GALNT3: variants seen among roughly 807,000 people sequenced by gnomAD.
GALNT3 encodes the protein polypeptide N-acetylgalactosaminyltransferase 3.
Under a neutral mutation model 69.8 loss-of-function variants are expected in GALNT3, and 51 were observed. The observed-to-expected ratio is 0.73, with a 90% CI of 0.58 to 0.92. The LOEUF (loss-of-function observed/expected upper bound fraction) is 0.92, where lower values mean the gene tolerates loss of function less well. GALNT3 is among the 40% of genes least tolerant of loss of function. The pLI, the probability that GALNT3 is intolerant of heterozygous loss-of-function variation, is 0.00. For missense variants in GALNT3, 711 were observed against 760.0 expected (o/e 0.94, Z 0.76); for synonymous variants, 265 against 248.5 (o/e 1.07, Z -0.63).
chr2:165,763,033 T>G (rs1400749158), intron 3 of GALNT3, among the ~76,000 whole-genome samples: 1 of 151,524 alleles, frequency 6.6e-6, no homozygotes, highest in Non-Finnish European at 1.5e-5. Flanking sequence ...ACTCCTGAAC[T>G]CAAGCTATTT....
chr2:165,778,153 A>T (rs116293132), intron 1 of GALNT3, among the ~76,000 whole-genome samples: 1 of 152,218 alleles, frequency 6.6e-6, no homozygotes, highest in Non-Finnish European at 1.5e-5. Flanking sequence ...GGGAGTCACA[A>T]ACTCAGGGGC....
chr2:165,749,050 T>C, intron 10 of GALNT3, 147 bp from the exon 11 acceptor site: 1 of 780,480 alleles, frequency 1.3e-6, no homozygotes, highest in South Asian at 1.7e-5. Flanking sequence ...TTTTGGCTTC[T>C]AGTGTAAATG....
chr2:165,756,649 C>G (rs1688447777), intron 7 of GALNT3, among the ~76,000 whole-genome samples: 1 of 151,924 alleles, frequency 6.6e-6, no homozygotes, highest in African/African-American at 2.4e-5. Flanking sequence ...AAAAAAAAGG[C>G]TTGGCACTCC....
chr2:165,758,810 A>G lies in GALNT3; in HGVS notation c.1128T>C (p.Tyr376=). 1.9e-6 allele frequency: 3 copies of G among 1,611,716 alleles called. No individual in the cohort carries two copies. The highest frequency in any genetic ancestry group is 2.5e-6 in the Non-Finnish European group (3 of 1,178,018). ...LFSISKEYFE[Y]IGSYDEEMEI... ...CCATTTCTTCATCATAGCTTCCAAT[A>G]TACTCAAAATATTCTTTTGATATGG... The change falls in exon 6 of 11, where the codon TAT becomes TAC. Residue 376 remains tyrosine, a synonymous_variant. Coordinates refer to ENST00000392701, the MANE Select transcript of GALNT3 (RefSeq NM_004482.4).
intron 1 of GALNT3, among the ~76,000 whole-genome samples, chr2:165,776,856 A>G (rs1316384367): frequency 1.3e-5 from 2 of 152,224 alleles, no homozygotes; most frequent in African/African-American, 2.4e-5. Context: ...GCTTCCAGTT[A>G]TCTAGACTAC....
intron 1 of GALNT3, among the ~76,000 whole-genome samples, chr2:165,773,183 T>C (rs1232282029): frequency 1.3e-5 from 2 of 152,174 alleles, no homozygotes; most frequent in African/African-American, 4.8e-5. Context: ...TCCCCATGTG[T>C]CAAGGGCAGG....
chr2:165,767,678 T>C lies in GALNT3; in HGVS notation c.515+2508A>G, dbSNP rs569868136. ...GTGCAATTAAAATAACTTGCCAAAG[T>C]GACTGTATCATTCCAGTCAAACCAT... On this transcript the variant is annotated intron_variant, in intron 2 of 10. Coordinates refer to ENST00000392701, the MANE Select transcript of GALNT3 (RefSeq NM_004482.4). 1.9e-3 allele frequency among the ~76,000 whole-genome samples: 292 copies of C among 152,292 alleles called. 3 individuals carry two copies. Among genetic ancestry groups the C allele is most frequent in the African/African-American group, 6.4e-3 (264 of 41,572 alleles).
At position 165,770,183 on chromosome 2, in the gene GALNT3, T is replaced by C. The variant is rs373474499; in HGVS notation, c.515+3A>G. On this transcript the variant is annotated splice_donor_region_variant and intron_variant, in intron 2 of 10. Transcript: ENST00000392701. ...AATAAACAATAAATATTCTTCAACA[T>C]ACTCAGGAGGTCGAGTGTCTGGTCC... The C allele has an allele frequency of 1.2e-5, 19 of 1,613,972 alleles. No homozygotes were observed. The highest frequency in any genetic ancestry group is 2.2e-5 in the East Asian group (1 of 44,892).
intron 10 of GALNT3, 59 bp downstream of exon 10, chr2:165,749,683 G>A: frequency 7.0e-7 from 1 of 1,424,644 alleles, no homozygotes; most frequent in Non-Finnish European, 9.9e-7. Flanking sequence ...CATTTTCCCA[G>A]ATAAGCAAGT....
chr2:165,766,281 A>G (rs915265873), intron 2 of GALNT3, among the ~76,000 whole-genome samples: 1 of 152,240 alleles, frequency 6.6e-6, no homozygotes, highest in African/African-American at 2.4e-5. Context: ...TCATGTCACC[A>G]TCTAAAACAT....
intron 10 of GALNT3, 72 bp from the exon 11 acceptor site, chr2:165,748,975 T>C: frequency 6.8e-7 from 1 of 1,466,728 alleles, no homozygotes; most frequent in Non-Finnish European, 9.4e-7. Context: ...AAAAAGATTT[T>C]ATGGTTTCAT....
intron 6 of GALNT3, among the ~76,000 whole-genome samples, chr2:165,758,212 T>C (rs531324249): frequency 3.9e-5 from 6 of 152,280 alleles, no homozygotes; most frequent in Non-Finnish European, 7.4e-5. Context: ...TTCCACTACA[T>C]TCCAGCCTAA....
At chr2:165,784,011 T>G (rs1480285387) in intron 1 of GALNT3, among the ~76,000 whole-genome samples, 1 of 152,214 alleles carries the variant, frequency 6.6e-6, no homozygotes, top group Non-Finnish European at 1.5e-5. Flanking sequence ...TCTTCATGGT[T>G]AAGGCACAAG....
chr2:165,754,782 A>G, intron 8 of GALNT3, 54 bp from the exon 9 acceptor site: 1 of 1,400,410 alleles, frequency 7.1e-7, no homozygotes, highest in Non-Finnish European at 9.8e-7. Flanking sequence ...TGATTTATAT[A>G]TTTTTAAAAT....
chr2:165,794,193 G>T lies in GALNT3; in HGVS notation c.-287C>A, dbSNP rs1388943962. The T allele has an allele frequency of 6.5e-6, 1 of 152,874 alleles. No individual in the cohort carries two copies. The highest frequency in any genetic ancestry group is 2.4e-5 in the African/African-American group (1 of 41,482). 9.5% of individuals were successfully genotyped at this position (152,874 alleles called of 1,614,324 possible). ...GCCTTCCCGCTGGGCCTCCCGCGTT[G>T]CCTGGAGAGGCAGAACCGAGGCTCG... On this transcript the variant is annotated 5_prime_UTR_variant, in exon 1 of 11. Coordinates refer to ENST00000392701, the MANE Select transcript of GALNT3 (RefSeq NM_004482.4).
At chr2:165,786,245 A>G (rs1273728455) in intron 1 of GALNT3, among the ~76,000 whole-genome samples, 6 of 152,216 alleles carry the variant, frequency 3.9e-5, no homozygotes, top group Non-Finnish European at 7.3e-5. Flanking sequence ...GCTAGAAGAA[A>G]CATTTAAATA....
chr2:165,747,593 T>C lies in GALNT3; in HGVS notation c.*1188A>G, dbSNP rs1469977681. 2.6e-5 allele frequency: 4 copies of C among 152,208 alleles called. No individual in the cohort carries two copies. The highest frequency in any genetic ancestry group is 6.6e-5 in the Admixed American group (1 of 15,264). 9.4% of individuals were successfully genotyped at this position (152,208 alleles called of 1,614,324 possible). On this transcript the variant is annotated 3_prime_UTR_variant, in exon 11 of 11. Transcript: ENST00000392701. ...TTTTTTAAAACATCATTCTATCAGA[T>C]GCTTAAGGAACTTTATCAGAAATTA...
chr2:165,775,636 T>A (rs1351834513), intron 1 of GALNT3, among the ~76,000 whole-genome samples: 1 of 152,208 alleles, frequency 6.6e-6, no homozygotes, highest in Non-Finnish European at 1.5e-5. Flanking sequence ...CCATCAGCTG[T>A]CTTCAATTCT....
rs1362565333 is a variant in GALNT3, at chr2:165,748,421, A to T, written c.*360T>A. ...ATCTTTCTTCCTATCCCCCCAAAAA[A>T]CTAGGGGAAATATTTTAAATTGTGA... On this transcript the variant is annotated 3_prime_UTR_variant, in exon 11 of 11. Coordinates refer to ENST00000392701, the MANE Select transcript of GALNT3 (RefSeq NM_004482.4). 2 of 280,092 alleles carry T rather than the reference A, an allele frequency of 7.1e-6. No homozygotes were observed. The highest frequency in any genetic ancestry group is 1.4e-5 in the Non-Finnish European group (2 of 147,118). 17.4% of individuals were successfully genotyped at this position (280,092 alleles called of 1,614,324 possible). A position where few individuals can be genotyped will look rare whatever the true frequency, so the allele number is the denominator to read the frequency against.
Sources: allele counts gnomAD v4.1 joint callset (sites outside exome capture counted in the v4.1 genomes callset), GRCh38; gene constraint gnomAD v4.1.1; transcripts MANE v1.5; gene names NCBI Gene and HGNC (gene_info 2026-07-23, HGNC 2026-07-21).